Variants in LURAP1L observed in about 807,000 individuals in gnomAD.
LURAP1L encodes leucine rich adaptor protein 1 like, also known as leucine rich adaptor protein 1-like.
LURAP1L carries 12 observed loss-of-function variants against 13.8 expected under a neutral mutation model. The observed-to-expected ratio is 0.87, with a 90% CI of 0.56 to 1.41. The LOEUF is 1.41. Ranked by LOEUF, LURAP1L falls within the 40% of genes most tolerant of loss-of-function variation. LURAP1L has a pLI of 0.00. For synonymous variants in LURAP1L, 139 were observed against 119.2 expected (o/e 1.17, Z -1.08); for missense variants, 375 against 292.9 (o/e 1.28, Z -2.04).
intron 1 of LURAP1L, among the ~76,000 whole-genome samples, chr9:12,815,006 G>A (rs1819784869): frequency 6.6e-6 from 1 of 152,196 alleles, no homozygotes. Flanking sequence ...TTGCATAATT[G>A]TAGGCTTTTC....
Position 12,821,511 on chromosome 9 carries a change from T to A in LURAP1L, c.438T>A (p.Ser146Arg). ...ATITSRGSSL[S>R]GSLCSLLESQ... The stretch of plus-strand genomic sequence containing the variant: ...TTACCAGCAGAGGCAGCAGCCTCAG[T>A]GGCAGCCTGTGCAGTTTGTTGGAGA... The change falls in exon 2 of 2, where the codon AGT becomes AGA. Residue 146 changes from serine to arginine, a missense_variant. Physicochemically the swap from Ser to Arg is moderately radical, Grantham distance 110 (BLOSUM62 -1). Coordinates refer to ENST00000319264, the MANE Select transcript of LURAP1L (RefSeq NM_203403.2). The A allele has an allele frequency of 6.2e-7, 1 of 1,614,194 alleles. No individual in the cohort carries two copies. The highest frequency in any genetic ancestry group is 8.5e-7 in the Non-Finnish European group (1 of 1,180,044).
At chr9:12,806,540 C>T (rs959287722) in intron 1 of LURAP1L, among the ~76,000 whole-genome samples, 11 of 151,976 alleles carry the variant, frequency 7.2e-5, no homozygotes, top group African/African-American at 2.7e-4. Context: ...GCTTTGATGG[C>T]TTCTTGGGCT....
intron 1 of LURAP1L, among the ~76,000 whole-genome samples, chr9:12,813,263 A>C (rs2118541260): frequency 6.6e-6 from 1 of 152,250 alleles, no homozygotes; most frequent in South Asian, 2.1e-4. Context: ...TAAACCTACT[A>C]GTTAAGTATT....
chr9:12,791,961 C>T (rs1407131559), intron 1 of LURAP1L, among the ~76,000 whole-genome samples: 1 of 152,090 alleles, frequency 6.6e-6, no homozygotes, highest in African/African-American at 2.4e-5. Flanking sequence ...TGCAAGTGGT[C>T]ACCTCCCTTA....
chr9:12,795,878 G>A (rs913579298), intron 1 of LURAP1L, among the ~76,000 whole-genome samples: 8 of 152,028 alleles, frequency 5.3e-5, no homozygotes, highest in African/African-American at 1.9e-4. Context: ...GTTGATTACT[G>A]AGGAATGAAC....
chr9:12,813,472 G>C (rs561247436), intron 1 of LURAP1L, among the ~76,000 whole-genome samples: 1 of 152,134 alleles, frequency 6.6e-6, no homozygotes, highest in South Asian at 2.1e-4. Flanking sequence ...ACATTCTATA[G>C]ACAGATTCAA....
At chr9:12,807,824 A>G (rs1387576351) in intron 1 of LURAP1L, among the ~76,000 whole-genome samples, 2 of 151,848 alleles carry the variant, frequency 1.3e-5, no homozygotes, top group Non-Finnish European at 2.9e-5. Context: ...TAGGCAATTT[A>G]TATGATTCTA....
In LURAP1L at chr9:12,775,875, G is replaced by GGCGGCGGCGGCGGCTGCAGTAGCGGCA. The variant is rs1437763191; in HGVS notation, c.165_166insGGCGGCGGCTGCAGTAGCGGCAGCGGC (p.Gly55_Cys56insGlyGlyGlyCysSerSerGlySerGly). On this transcript the variant is annotated inframe_insertion, in exon 1 of 2. Coordinates refer to ENST00000319264, the MANE Select transcript of LURAP1L (RefSeq NM_203403.2). ...GAGCGGTGGTGGTGGCGGCGGCGGCGGCGGCTGCAGTAGCAGCAGCAGCTA... is the reference window on the plus strand; with the variant it reads ...GAGCGGTGGTGGTGGCGGCGGCGGCGGCGGCGGCGGCGGCTGCAGTAGCGGCAGCGGCTGCAGTAGCAGCAGCAGCTA... The GGCGGCGGCGGCGGCTGCAGTAGCGGCA allele has an allele frequency of 6.3e-7, 1 of 1,577,684 alleles. No homozygotes were observed. Among genetic ancestry groups the GGCGGCGGCGGCGGCTGCAGTAGCGGCA allele is most frequent in the Admixed American group, 1.9e-5 (1 of 53,258 alleles).
At chr9:12,817,994 C>G (rs561094651) in intron 1 of LURAP1L, among the ~76,000 whole-genome samples, 1 of 152,190 alleles carries the variant, frequency 6.6e-6, no homozygotes, top group Admixed American at 6.5e-5. Context: ...TGTTTACTCT[C>G]TCCCGGGAGG....
intron 1 of LURAP1L, among the ~76,000 whole-genome samples, chr9:12,815,773 A>T (rs1325005711): frequency 6.6e-6 from 1 of 152,228 alleles, no homozygotes; most frequent in Non-Finnish European, 1.5e-5. Flanking sequence ...TATTTGGAAG[A>T]TATATTCAGC....
intron 1 of LURAP1L, among the ~76,000 whole-genome samples, chr9:12,786,547 C>CTATATATATATATATATATATATATATAT (rs1554657226): frequency 1.9e-5 from 1 of 53,006 alleles, no homozygotes; most frequent in Non-Finnish European, 3.3e-5. Context: ...ATATATATGA[C>CTATATATATATATATATATATATATATAT]ATATATATAT....
chr9:12,791,658 TTC>T (rs71329887), intron 1 of LURAP1L, among the ~76,000 whole-genome samples: 7,842 of 149,250 alleles, frequency 0.053, 321 homozygotes, highest in Admixed American at 0.096. Context: ...CTCTCTCTCC[TTC>T]TCTCTCTCTC....
intron 1 of LURAP1L, among the ~76,000 whole-genome samples, chr9:12,808,303 T>C (rs964982257): frequency 1.3e-5 from 2 of 152,140 alleles, no homozygotes; most frequent in Non-Finnish European, 2.9e-5. Context: ...AGAAAGTCTT[T>C]AGTATTTACT....
intron 1 of LURAP1L, among the ~76,000 whole-genome samples, chr9:12,787,969 G>A (rs567912987): frequency 1.3e-4 from 19 of 151,784 alleles, no homozygotes; most frequent in Non-Finnish European, 2.6e-4. Context: ...AAAATTAGCC[G>A]GGTGTGGTGG....
In LURAP1L at chr9:12,815,639, T is replaced by C. The variant is rs577181919; in HGVS notation, c.313-5747T>C. 1.4e-4 allele frequency among the ~76,000 whole-genome samples: 21 copies of C among 152,160 alleles called. No homozygotes were observed. In the East Asian group the frequency reaches 3.9e-3, roughly 28 times the overall value. ...ACCATACAAATGTATAACTAGGAGG[T>C]GGCCTGCTTTTATCTGACTAGTTGA... On this transcript the variant is annotated intron_variant, in intron 1 of 1. Transcript: ENST00000319264.
Position 12,823,040 on chromosome 9 carries a change from A to T in LURAP1L, c.*1280A>T, listed in dbSNP as rs1819902655. Among the ~76,000 whole-genome samples the T allele has an allele frequency of 6.6e-6, 1 of 152,174 alleles. No homozygotes were observed. Among genetic ancestry groups the T allele is most frequent in the Non-Finnish European group, 1.5e-5 (1 of 68,032 alleles). On this transcript the variant is annotated 3_prime_UTR_variant, in exon 2 of 2. Transcript: ENST00000319264. ...CAAGGCATGTATTATTCAATTTCTA[A>T]TTAAAATATATCAGGGCTTATATTT...
At chr9:12,811,981 G>A (rs946481006) in intron 1 of LURAP1L, among the ~76,000 whole-genome samples, 3 of 152,170 alleles carry the variant, frequency 2.0e-5, no homozygotes, top group Non-Finnish European at 4.4e-5. Flanking sequence ...GTCCTTGCTA[G>A]CTGTTGTCCA....
Position 12,783,167 on chromosome 9 carries a change from CT to C in LURAP1L, c.312+7147del, listed in dbSNP as rs1563886685. Reference sequence around the variant, plus strand: ...TCATTTGCAAATAAGAATAATTTGACTTTTTTTCTTCCCAATTTGGATGCCC... The same window carrying C: ...TCATTTGCAAATAAGAATAATTTGACTTTTTTCTTCCCAATTTGGATGCCC... On this transcript the variant is annotated intron_variant, in intron 1 of 1. Transcript: ENST00000319264. Among the ~76,000 whole-genome samples the C allele has an allele frequency of 1.3e-5, 2 of 151,976 alleles. 1 individual carries two copies. The highest frequency in any genetic ancestry group is 4.2e-4 in the South Asian group (2 of 4,814).
chr9:12,781,314 T>C lies in LURAP1L; in HGVS notation c.312+5287T>C, dbSNP rs577078663. Among the ~76,000 whole-genome samples the C allele has an allele frequency of 2.0e-4, 30 of 152,296 alleles. No individual in the cohort carries two copies. The South Asian group carries it at 5.6e-3, about 28-fold the overall frequency. On this transcript the variant is annotated intron_variant, in intron 1 of 1. Transcript: ENST00000319264. ...ATGTACAATAAATTATTGTTGACTG[T>C]AGTCACCCTGTTGTACTACCAAACG...
Sources: allele counts gnomAD v4.1 joint callset (sites outside exome capture counted in the v4.1 genomes callset), GRCh38; gene constraint gnomAD v4.1.1; transcripts MANE v1.5; gene names NCBI Gene and HGNC (gene_info 2026-07-23, HGNC 2026-07-21).